NBAS: variants seen among roughly 807,000 people sequenced by gnomAD.
NBAS encodes the protein NAG/BC035112 fusion.
Under a neutral mutation model 302.5 loss-of-function variants are expected in NBAS, and 219 were observed. That is an observed-to-expected ratio of 0.72 (90% CI 0.65 to 0.81). NBAS has a LOEUF of 0.81. Ranked by LOEUF, NBAS falls within the 30% of genes least tolerant of loss-of-function variation. The probability of loss-of-function intolerance (pLI) is 0.00; values close to 1 mark genes in which losing one functional copy is unlikely to be tolerated. For synonymous variants in NBAS, 1,118 were observed against 1,021.6 expected (o/e 1.09, Z -1.80); for missense variants, 2,932 against 2,841.6 (o/e 1.03, Z -0.72).
At chr2:15,338,832 A>G (rs1672717878) in intron 35 of NBAS, among the ~76,000 whole-genome samples, 1 of 152,050 alleles carries the variant, frequency 6.6e-6, no homozygotes, top group South Asian at 2.1e-4. Flanking sequence ...TAAAATATTG[A>G]GACCCCGTAT....
chr2:15,516,591 C>T (rs981893371), intron 9 of NBAS, among the ~76,000 whole-genome samples: 24 of 152,084 alleles, frequency 1.6e-4, no homozygotes, highest in Admixed American at 3.3e-4. Context: ...GGTGTGGTGG[C>T]GTGCACCTGT....
the NBAS span, among the ~76,000 whole-genome samples, chr2:14,982,639 T>A: frequency 4.0e-5 from 6 of 151,788 alleles, no homozygotes; most frequent in Non-Finnish European, 8.8e-5. Flanking sequence ...TAGAAAAAAA[T>A]ATCAAGAGGT....
At chr2:15,243,891 C>T (rs933950911) in intron 44 of NBAS, among the ~76,000 whole-genome samples, 1 of 152,064 alleles carries the variant, frequency 6.6e-6, no homozygotes, top group Non-Finnish European at 1.5e-5. Context: ...CGGAGAAATC[C>T]TTATATAACA....
chr2:15,203,367 CATATGAAGCCTA>C (rs1003535432), intron 48 of NBAS, among the ~76,000 whole-genome samples: 3 of 152,166 alleles, frequency 2.0e-5, no homozygotes, highest in Admixed American at 1.3e-4. Context: ...AAATGATACA[CATATGAAGCCTA>C]ATGTTAAGTC....
At chr2:14,852,676 A>C in the NBAS span, among the ~76,000 whole-genome samples, 207 of 147,078 alleles carry the variant, frequency 1.4e-3, no homozygotes, top group African/African-American at 5.1e-3. Flanking sequence ...AAACTATACT[A>C]CAAGGCTACA....
At chr2:15,505,139 A>G (rs1661779665) in intron 10 of NBAS, among the ~76,000 whole-genome samples, 1 of 152,226 alleles carries the variant, frequency 6.6e-6, no homozygotes, top group South Asian at 2.1e-4. Context: ...CCAATGTGTC[A>G]TCTCCATTGC....
At chr2:14,815,786 T>TCCTC in the NBAS span, among the ~76,000 whole-genome samples, 49 of 152,194 alleles carry the variant, frequency 3.2e-4, no homozygotes, top group South Asian at 1.0e-2. Context: ...AAAACTCAAT[T>TCCTC]CCTCACACAC....
the NBAS span, among the ~76,000 whole-genome samples, chr2:15,145,715 G>A: frequency 6.6e-6 from 1 of 152,050 alleles, no homozygotes; most frequent in African/African-American, 2.4e-5. Flanking sequence ...CTCCAAACAG[G>A]AGCTTCTCAA....
downstream of NBAS, among the ~76,000 whole-genome samples, chr2:15,166,020 C>T (rs973779715): frequency 6.6e-6 from 1 of 152,264 alleles, no homozygotes; most frequent in Admixed American, 6.5e-5. Context: ...AGCTGTGCCT[C>T]GGCTGCTGCT....
At chr2:15,114,877 A>G in the NBAS span, among the ~76,000 whole-genome samples, 4 of 152,356 alleles carry the variant, frequency 2.6e-5, no homozygotes, top group East Asian at 7.7e-4. Flanking sequence ...ACATATTATG[A>G]TAAATATGAA....
intron 35 of NBAS, among the ~76,000 whole-genome samples, chr2:15,337,851 G>A (rs564070078): frequency 6.6e-6 from 1 of 152,250 alleles, no homozygotes; most frequent in Admixed American, 6.5e-5. Flanking sequence ...AAAGAGGTTA[G>A]GCAAAACTTA....
At chr2:15,358,448 GTATT>G (rs959643502) in intron 32 of NBAS, among the ~76,000 whole-genome samples, 5 of 151,924 alleles carry the variant, frequency 3.3e-5, no homozygotes, top group African/African-American at 1.2e-4. Context: ...CCGTGTGCAT[GTATT>G]TATTTATTTA....
chr2:15,207,272 C>G (rs12105105), intron 48 of NBAS, among the ~76,000 whole-genome samples: 13,542 of 152,178 alleles, frequency 0.089, 1,107 homozygotes, highest in East Asian at 0.33. Context: ...CCTGTAGCTC[C>G]TTTGTTTTGG....
chr2:15,177,885 A>G (rs1664626687), intron 51 of NBAS: 1 of 289,642 alleles, frequency 3.5e-6, no homozygotes, highest in Admixed American at 4.4e-5. Flanking sequence ...CAGGTACGGT[A>G]TTCACAAAAC....
chr2:15,290,838 C>A (rs910046875), intron 41 of NBAS, among the ~76,000 whole-genome samples: 4 of 152,152 alleles, frequency 2.6e-5, no homozygotes, highest in Non-Finnish European at 4.4e-5. Context: ...GTTGTTCCTG[C>A]TATTTTTCTT....
intron 29 of NBAS, 114 bp from the exon 30 acceptor site, chr2:15,379,945 T>C: frequency 1.1e-6 from 1 of 919,494 alleles, no homozygotes; most frequent in Non-Finnish European, 1.7e-6. Flanking sequence ...ACCCTAGAGG[T>C]GGTGGCTGCA....
At chr2:14,988,070 G>T in the NBAS span, among the ~76,000 whole-genome samples, 2 of 152,126 alleles carry the variant, frequency 1.3e-5, no homozygotes, top group African/African-American at 4.8e-5. Context: ...GTGAAGAAAA[G>T]TGTGAGCCAG....
the NBAS span, among the ~76,000 whole-genome samples, chr2:15,126,894 G>A: frequency 2.0e-5 from 3 of 152,188 alleles, no homozygotes; most frequent in South Asian, 6.2e-4. Flanking sequence ...CTTCACAAAG[G>A]AGGAAATAGA....
At chr2:14,892,377 C>T in the NBAS span, among the ~76,000 whole-genome samples, 1 of 152,176 alleles carries the variant, frequency 6.6e-6, no homozygotes, top group African/African-American at 2.4e-5. Context: ...CAAATTGGGT[C>T]CCCACACCTG....
Sources: allele counts gnomAD v4.1 joint callset (sites outside exome capture counted in the v4.1 genomes callset), GRCh38; gene constraint gnomAD v4.1.1; transcripts MANE v1.5; gene names NCBI Gene and HGNC (gene_info 2026-07-23, HGNC 2026-07-21).